The following DPP10 variants were observed in gnomAD, a reference collection of about 807,000 sequenced individuals.
DPP10 encodes the protein inactive dipeptidyl peptidase 10.
DPP10 carries 33 observed loss-of-function variants against 120.9 expected under a neutral mutation model. The ratio of observed to expected loss-of-function variants is 0.27; its 90% CI spans 0.21 to 0.37. The LOEUF is 0.37. Ranked by LOEUF, DPP10 falls within the 10% of genes least tolerant of loss-of-function variation. The pLI is 1.00. For missense variants in DPP10, 816 were observed against 942.8 expected, an observed-to-expected ratio of 0.87 and a Z score of 1.76; for synonymous variants, 337 against 326.1, an observed-to-expected ratio of 1.03 and a Z score of -0.36.
chr2:114,725,713 T>C (rs148613579), intron 1 of DPP10, among the ~76,000 whole-genome samples: 1 of 152,236 alleles, frequency 6.6e-6, no homozygotes, highest in Non-Finnish European at 1.5e-5. Context: ...ATTATCCTCC[T>C]TATGTCTCTT....
At chr2:115,383,428 C>G (rs1367862598) in intron 3 of DPP10, among the ~76,000 whole-genome samples, 1 of 152,194 alleles carries the variant, frequency 6.6e-6, no homozygotes, top group Non-Finnish European at 1.5e-5. Flanking sequence ...TGCATTAAAC[C>G]TCTTACTTTT....
chr2:115,442,148 G>A (rs1558665258), intron 3 of DPP10, among the ~76,000 whole-genome samples: 3 of 151,868 alleles, frequency 2.0e-5, no homozygotes, highest in African/African-American at 7.3e-5. Flanking sequence ...CATTGGTTAA[G>A]TTTTTTTGTC....
chr2:115,264,074 A>G (rs774469409), intron 1 of DPP10, among the ~76,000 whole-genome samples: 7 of 152,234 alleles, frequency 4.6e-5, no homozygotes, highest in Non-Finnish European at 8.8e-5. Context: ...ACTAAGAAGA[A>G]GGAAATTATG....
chr2:115,112,025 A>T (rs1450968283), intron 1 of DPP10, among the ~76,000 whole-genome samples: 3 of 152,168 alleles, frequency 2.0e-5, no homozygotes, highest in African/African-American at 4.8e-5. Context: ...GAAACTTCAC[A>T]GGATTTGGAG....
chr2:115,642,085 T>A (rs2086830000), intron 5 of DPP10, among the ~76,000 whole-genome samples: 1 of 152,182 alleles, frequency 6.6e-6, no homozygotes, highest in South Asian at 2.1e-4. Flanking sequence ...ATATATTATT[T>A]GCATGTTACA....
chr2:115,022,789 G>A (rs1231949629), intron 1 of DPP10, among the ~76,000 whole-genome samples: 1 of 152,098 alleles, frequency 6.6e-6, no homozygotes, highest in African/African-American at 2.4e-5. Context: ...CATGGTACTT[G>A]TATGAAAAAG....
intron 1 of DPP10, among the ~76,000 whole-genome samples, chr2:115,256,951 C>T (rs1472175203): frequency 6.6e-6 from 1 of 152,202 alleles, no homozygotes; most frequent in Non-Finnish European, 1.5e-5. Context: ...TGAAGTTCCA[C>T]CTTCCACAAA....
chr2:114,899,694 A>G (rs1253676896), intron 1 of DPP10, among the ~76,000 whole-genome samples: 1 of 152,172 alleles, frequency 6.6e-6, no homozygotes, highest in Non-Finnish European at 1.5e-5. Context: ...GCGGTGGCTC[A>G]CGCCTGTAAT....
chr2:115,187,127 C>G (rs143223547), intron 1 of DPP10, among the ~76,000 whole-genome samples: 76 of 146,792 alleles, frequency 5.2e-4, no homozygotes, highest in African/African-American at 1.7e-3. Context: ...AGCTCCGCTT[C>G]CCGGGTTCAC....
chr2:115,062,127 TCTG>T (rs1257021117), intron 1 of DPP10, among the ~76,000 whole-genome samples: 1 of 92,376 alleles, frequency 1.1e-5, no homozygotes, highest in Non-Finnish European at 2.1e-5. Context: ...AGATTACAGT[TCTG>T]TGTGTGTGTG....
intron 19 of DPP10, among the ~76,000 whole-genome samples, chr2:115,806,800 T>A (rs1035823696): frequency 4.6e-5 from 7 of 152,172 alleles, no homozygotes; most frequent in African/African-American, 1.7e-4. Context: ...GCTTCTTTTT[T>A]AAAGATACAC....
At chr2:115,743,516 T>A (rs1157210812) in intron 9 of DPP10, among the ~76,000 whole-genome samples, 1 of 152,208 alleles carries the variant, frequency 6.6e-6, no homozygotes, top group South Asian at 2.1e-4. Flanking sequence ...CCGCTTGCTT[T>A]AATCAGTGTA....
intron 1 of DPP10, among the ~76,000 whole-genome samples, chr2:115,194,699 C>T (rs2055136025): frequency 6.6e-6 from 1 of 152,166 alleles, no homozygotes; most frequent in South Asian, 2.1e-4. Flanking sequence ...CCATAGACAA[C>T]TGTACCTGAC....
At position 115,757,252 on chromosome 2, in the gene DPP10, A is replaced by T. The variant is rs1035497628; in HGVS notation, c.1074+3955A>T. Among the ~76,000 whole-genome samples the T allele has an allele frequency of 3.3e-5, 5 of 152,176 alleles. 1 individual carries two copies. In the South Asian group the frequency reaches 1.0e-3, roughly 32 times the overall value. On this transcript the variant is annotated intron_variant, in intron 11 of 25. Transcript: ENST00000410059. ...AAAAATACAAGAGACAACATTTTAG[A>T]CTGATCTCTCTCATTAACACGTGTA...
intron 12 of DPP10, 46 bp from the exon 13 acceptor site, chr2:115,768,251 T>C (rs772009357): frequency 1.9e-6 from 3 of 1,545,764 alleles, no homozygotes; most frequent in African/African-American, 2.7e-5. Context: ...GCAGCACAGA[T>C]TGCATGTGCC....
chr2:115,500,652 G>A (rs10193980), intron 4 of DPP10, among the ~76,000 whole-genome samples: 30,986 of 151,702 alleles, frequency 0.2, 4,343 homozygotes, highest in African/African-American at 0.39. Flanking sequence ...AAGGTCATCA[G>A]CCAGAAGAAA....
chr2:115,065,644 G>A (rs1017603558), intron 1 of DPP10: 2 of 151,862 alleles, frequency 1.3e-5, no homozygotes, highest in African/African-American at 4.8e-5. Flanking sequence ...TGTGTAGTGT[G>A]TATGTAGTCA....
Position 115,428,391 on chromosome 2 carries a change from T to C in DPP10, c.272-71119T>C, listed in dbSNP as rs150632795. Among the ~76,000 whole-genome samples the C allele has an allele frequency of 2.6e-4, 40 of 152,304 alleles. No individual in the cohort carries two copies. The East Asian group carries it at 7.3e-3, about 28-fold the overall frequency. ...GAAATACCTTAGACCGAGTAATTTATAAAGAAAATAGGTTTACTTGGCTCT... is the reference window on the plus strand; with the variant it reads ...GAAATACCTTAGACCGAGTAATTTACAAAGAAAATAGGTTTACTTGGCTCT... On this transcript the variant is annotated intron_variant, in intron 3 of 25. Coordinates refer to ENST00000410059, the MANE Select transcript of DPP10 (RefSeq NM_020868.6).
intron 1 of DPP10, among the ~76,000 whole-genome samples, chr2:114,708,928 T>C (rs1271908154): frequency 6.6e-6 from 1 of 152,126 alleles, no homozygotes; most frequent in Non-Finnish European, 1.5e-5. Context: ...GCTAATTTTG[T>C]ATTTTTTAGT....
Sources: allele counts gnomAD v4.1 joint callset (sites outside exome capture counted in the v4.1 genomes callset), GRCh38; gene constraint gnomAD v4.1.1; transcripts MANE v1.5; gene names NCBI Gene and HGNC (gene_info 2026-07-23, HGNC 2026-07-21).